The following PPP6R2 variants were observed in gnomAD, a reference collection of about 807,000 sequenced individuals.
PPP6R2 encodes the protein serine/threonine-protein phosphatase 6 regulatory subunit 2.
Under a neutral mutation model 100.2 loss-of-function variants are expected in PPP6R2, and 62 were observed. The ratio of observed to expected loss-of-function variants is 0.62; its 90% CI spans 0.50 to 0.76. PPP6R2 has a LOEUF of 0.76. Ranked by LOEUF, PPP6R2 falls within the 30% of genes least tolerant of loss-of-function variation. The pLI is 0.00. For synonymous variants in PPP6R2, 525 were observed against 514.7 expected, an observed-to-expected ratio of 1.02 and a Z score of -0.27; for missense variants, 1,142 against 1,276.3, an observed-to-expected ratio of 0.89 and a Z score of 1.60.
intron 6 of PPP6R2, among the ~76,000 whole-genome samples, chr22:50,417,607 A>G (rs937062987): frequency 2.6e-5 from 4 of 152,188 alleles, no homozygotes; most frequent in Non-Finnish European, 4.4e-5. Flanking sequence ...TGCCTGGCCA[A>G]CCACCCTACT....
At chr22:50,349,406 T>C (rs1308581222) in intron 1 of PPP6R2, among the ~76,000 whole-genome samples, 1 of 145,522 alleles carries the variant, frequency 6.9e-6, no homozygotes, top group Non-Finnish European at 1.5e-5. Flanking sequence ...TGGTGACTCG[T>C]GCCTATAATC....
chr22:50,348,319 T>G (rs1239381267), intron 1 of PPP6R2, among the ~76,000 whole-genome samples: 1 of 152,022 alleles, frequency 6.6e-6, no homozygotes, highest in African/African-American at 2.4e-5. Flanking sequence ...AGATGAAGTG[T>G]TGGGAGCTGG....
chr22:50,393,063 T>A (rs980075292), intron 2 of PPP6R2, among the ~76,000 whole-genome samples: 4 of 152,224 alleles, frequency 2.6e-5, no homozygotes, highest in Non-Finnish European at 5.9e-5. Context: ...GTGAAAACTT[T>A]GTTGCTAACC....
chr22:50,430,891 A>G (rs2063014324), intron 10 of PPP6R2, among the ~76,000 whole-genome samples: 1 of 151,482 alleles, frequency 6.6e-6, no homozygotes, highest in Non-Finnish European at 1.5e-5. Flanking sequence ...AAAAAAAAAA[A>G]GAATAAACCC....
At position 50,407,007 on chromosome 22, in the gene PPP6R2, C is replaced by T. The variant is rs573807877; in HGVS notation, c.414+132C>T. On this transcript the variant is annotated intron_variant, in intron 4 of 23. Coordinates refer to ENST00000612753, the MANE Select transcript of PPP6R2 (RefSeq NM_001242898.2). ...GCATCTGTGACTCTTCTGCGCAACA[C>T]GTGGAGCAGTGTGTGGGTTTTGCCA... is the stretch of plus-strand genomic sequence containing the variant. 4.3e-6 allele frequency: 4 copies of T among 922,028 alleles called. No individual in the cohort carries two copies. In the South Asian group the frequency reaches 4.5e-5, roughly 10 times the overall value. 57.1% of individuals were successfully genotyped at this position (922,028 alleles called of 1,614,324 possible).
chr22:50,444,457 G>C lies in PPP6R2; in HGVS notation c.*210G>C. On this transcript the variant is annotated 3_prime_UTR_variant, in exon 24 of 24. Transcript: ENST00000612753. Reference sequence around the variant, plus strand: ...CTCTCAGGTCACTCGTGCCCTGCTGGAGGACAGAGGGGCACCTCAGCCGCC... The same window carrying C: ...CTCTCAGGTCACTCGTGCCCTGCTGCAGGACAGAGGGGCACCTCAGCCGCC... 3.5e-6 allele frequency: 2 copies of C among 573,888 alleles called. No homozygotes were observed. Among genetic ancestry groups the C allele is most frequent in the Non-Finnish European group, 5.8e-6 (2 of 346,650 alleles). The allele number at this position is 573,888 out of a possible 1,614,324, so 35.5% of individuals were successfully genotyped here.
intron 10 of PPP6R2, among the ~76,000 whole-genome samples, chr22:50,424,115 A>G (rs2147859981): frequency 6.6e-6 from 1 of 152,336 alleles, no homozygotes; most frequent in Non-Finnish European, 1.5e-5. Flanking sequence ...GGTGCTGGCA[A>G]GTAGTGCCAG....
chr22:50,347,444 A>C (rs2044042024), intron 1 of PPP6R2, among the ~76,000 whole-genome samples: 2 of 151,928 alleles, frequency 1.3e-5, no homozygotes, highest in Non-Finnish European at 2.9e-5. Flanking sequence ...CCAGTCATCT[A>C]ACCTCACCTT....
chr22:50,359,363 C>T (rs549607519), intron 1 of PPP6R2, among the ~76,000 whole-genome samples: 30 of 152,072 alleles, frequency 2.0e-4, no homozygotes, highest in Middle Eastern at 6.8e-3. Flanking sequence ...GGACTACAGG[C>T]GCCCACCACC....
intron 1 of PPP6R2, among the ~76,000 whole-genome samples, chr22:50,351,067 T>G: frequency 8.2e-6 from 1 of 121,262 alleles, no homozygotes; most frequent in African/African-American, 3.5e-5. Flanking sequence ...TGAGACAGAG[T>G]TTCACTCTTG....
At chr22:50,443,490 C>A in intron 22 of PPP6R2, 1 of 198,192 alleles carries the variant, frequency 5.0e-6, no homozygotes, top group Admixed American at 5.5e-5. Context: ...CGGCAGGGTC[C>A]TCTCTACCCT....
chr22:50,415,832 G>A (rs542893110), intron 5 of PPP6R2, among the ~76,000 whole-genome samples: 1 of 152,356 alleles, frequency 6.6e-6, no homozygotes, highest in South Asian at 2.1e-4. Flanking sequence ...CCTTAAGAGA[G>A]AAGTCCTGAA....
chr22:50,442,742 C>CG (rs2065977190), intron 22 of PPP6R2, among the ~76,000 whole-genome samples: 1 of 151,034 alleles, frequency 6.6e-6, no homozygotes, highest in Non-Finnish European at 1.5e-5. Context: ...TTAGTAGAGA[C>CG]GGGGTTTCAC....
At chr22:50,376,074 C>A (rs949408019) in intron 2 of PPP6R2, among the ~76,000 whole-genome samples, 12 of 151,694 alleles carry the variant, frequency 7.9e-5, no homozygotes. Context: ...CTCAGGTGAT[C>A]CGCCTGCAGA....
chr22:50,419,059 C>CTGGTGCTCAG, intron 7 of PPP6R2, 80 bp downstream of exon 7: 2 of 1,160,226 alleles, frequency 1.7e-6, no homozygotes, highest in Non-Finnish European at 2.6e-6. Context: ...CTCTGAGCAC[C>CTGGTGCTCAG]AGGATATGTT....
intron 1 of PPP6R2, among the ~76,000 whole-genome samples, chr22:50,357,026 T>A (rs989252922): frequency 1.2e-4 from 19 of 152,180 alleles, no homozygotes; most frequent in African/African-American, 4.6e-4. Flanking sequence ...AATTCCTTTC[T>A]CCTTGCCTAT....
At chr22:50,341,603 G>A (rs1279978872), upstream of PPP6R2, among the ~76,000 whole-genome samples, 1 of 152,208 alleles carries the variant, frequency 6.6e-6, no homozygotes, top group Non-Finnish European at 1.5e-5. Flanking sequence ...GGCCCCTGTA[G>A]GTCTCAGGAG....
intron 4 of PPP6R2, 61 bp downstream of exon 4, chr22:50,406,936 C>A: frequency 6.6e-7 from 1 of 1,512,234 alleles, no homozygotes; most frequent in Non-Finnish European, 9.1e-7. Context: ...CTGACGTGTC[C>A]TGCTGTGAGC....
intron 18 of PPP6R2, 59 bp downstream of exon 18, chr22:50,438,357 C>T: frequency 6.4e-7 from 1 of 1,570,894 alleles, no homozygotes; most frequent in Non-Finnish European, 8.6e-7. Flanking sequence ...CCCCAGAACA[C>T]CTGTCAGACG....
Sources: gnomAD v4.1 joint callset for allele counts (sites outside exome capture counted in the v4.1 genomes callset) on GRCh38, gnomAD v4.1.1 for gene constraint, MANE v1.5 for transcripts, NCBI Gene and HGNC (gene_info 2026-07-23, HGNC 2026-07-21) for gene names.